The following ARID2 variants were observed in gnomAD, a reference collection of about 807,000 sequenced individuals.
ARID2 encodes the protein AT-rich interactive domain-containing protein 2.
Under a neutral mutation model 184.6 loss-of-function variants are expected in ARID2, and 32 were observed. That is an observed-to-expected ratio of 0.17 (90% CI 0.13 to 0.23). The LOEUF is 0.23. Among genes scored for constraint, ARID2 ranks in the 10% least tolerant of loss-of-function variants. The probability of loss-of-function intolerance (pLI) is 1.00; values close to 1 mark genes in which losing one functional copy is unlikely to be tolerated. For missense variants in ARID2, 1,696 were observed against 2,197.6 expected (o/e 0.77, Z 4.56); for synonymous variants, 836 against 772.6 (o/e 1.08, Z -1.36).
chr12:45,823,810 A>G (rs1313103626), intron 6 of ARID2, among the ~76,000 whole-genome samples: 1 of 152,162 alleles, frequency 6.6e-6, no homozygotes, highest in Non-Finnish European at 1.5e-5. Context: ...CTCAATGAAG[A>G]AAAGCCCAGG....
intron 16 of ARID2, among the ~76,000 whole-genome samples, chr12:45,879,468 C>T (rs1328985824): frequency 1.3e-5 from 2 of 152,168 alleles, no homozygotes; most frequent in Non-Finnish European, 2.9e-5. Flanking sequence ...AGAAACTGAC[C>T]TCCCGCCCCA....
intron 6 of ARID2, among the ~76,000 whole-genome samples, chr12:45,834,218 T>C (rs1010827951): frequency 6.6e-5 from 10 of 152,160 alleles, no homozygotes; most frequent in African/African-American, 2.4e-4. Flanking sequence ...ATGGCCTAAA[T>C]AAATAGTCAC....
chr12:45,743,896 A>G (rs923486670), intron 3 of ARID2, among the ~76,000 whole-genome samples: 2 of 151,976 alleles, frequency 1.3e-5, no homozygotes, highest in African/African-American at 4.8e-5. Flanking sequence ...TTTCTGTTTC[A>G]TGTTTTCTTG....
intron 14 of ARID2, 30 bp from the exon 15 acceptor site, chr12:45,850,006 G>C (rs2138158398): frequency 6.4e-7 from 1 of 1,553,418 alleles, no homozygotes; most frequent in Non-Finnish European, 8.7e-7. Context: ...CATTTCATTT[G>C]GAATTTTGAC....
chr12:45,810,604 G>T (rs1300864459), intron 3 of ARID2, among the ~76,000 whole-genome samples: 1 of 152,086 alleles, frequency 6.6e-6, no homozygotes, highest in Non-Finnish European at 1.5e-5. Flanking sequence ...TGTTACAAAA[G>T]AATGAGGTAG....
At chr12:45,900,083 C>CA (rs770848971) in intron 20 of ARID2, among the ~76,000 whole-genome samples, 34 of 151,910 alleles carry the variant, frequency 2.2e-4, no homozygotes, top group Non-Finnish European at 3.8e-4. Context: ...TTTTTTGAGA[C>CA]AGAGTCTCGC....
At position 45,852,274 on chromosome 12, in the gene ARID2, A is replaced by C; in HGVS notation, c.4151A>C (p.His1384Pro). The change falls in exon 15 of 21, where the codon CAT becomes CCT. Residue 1384 changes from histidine to proline, a missense_variant. By Grantham distance (77) the His-to-Pro change is moderately conservative. Around this residue, in one of 11 missense-constraint regions of ARID2, gnomAD observed 428 missense variants for 409.1 expected, o/e 1.05. Coordinates refer to ENST00000334344, the MANE Select transcript of ARID2 (RefSeq NM_152641.4). ...KNIPNHKTSN[H>P]VGNGEISPME... is the part of the protein sequence containing the mutation. The stretch of plus-strand genomic sequence containing the variant: ...ATTCCAAATCATAAAACTTCCAATC[A>C]TGTAGGAAATGGTGAGATATCTCCA... 1.2e-6 allele frequency: 2 copies of C among 1,614,142 alleles called. No homozygotes were observed. The highest frequency in any genetic ancestry group is 1.7e-6 in the Non-Finnish European group (2 of 1,180,004).
At chr12:45,898,461 GGA>G (rs1944399581) in intron 20 of ARID2, among the ~76,000 whole-genome samples, 1 of 152,124 alleles carries the variant, frequency 6.6e-6, no homozygotes, top group Non-Finnish European at 1.5e-5. Flanking sequence ...TTACCACAAT[GGA>G]AAAAAACTAA....
At chr12:45,806,224 C>A (rs1018520016) in intron 3 of ARID2, among the ~76,000 whole-genome samples, 3 of 150,894 alleles carry the variant, frequency 2.0e-5, no homozygotes, top group Non-Finnish European at 4.4e-5. Flanking sequence ...TTGGTGGGGG[C>A]GAGATGGTGG....
chr12:45,796,599 C>T (rs1355521189), intron 3 of ARID2, among the ~76,000 whole-genome samples: 6 of 152,014 alleles, frequency 3.9e-5, no homozygotes, highest in African/African-American at 1.2e-4. Context: ...CTGCAACCTC[C>T]GCCTCCTGGG....
In ARID2 at chr12:45,906,305, A is replaced by G. The variant is rs1263634752; in HGVS notation, c.*1227A>G. ...TTAATACTGTACCACATTCCTGCTC[A>G]GAAACTGCTCACTTCCTTAAATTGT... is the stretch of plus-strand genomic sequence containing the variant. On this transcript the variant is annotated 3_prime_UTR_variant, in exon 21 of 21. Coordinates refer to ENST00000334344, the MANE Select transcript of ARID2 (RefSeq NM_152641.4). The G allele has an allele frequency of 4.3e-6, 1 of 233,150 alleles. No individual in the cohort carries two copies. Among genetic ancestry groups the G allele is most frequent in the African/African-American group, 2.2e-5 (1 of 45,328 alleles). The allele number at this position is 233,150 out of a possible 1,614,324, so 14.4% of individuals were successfully genotyped here.
At chr12:45,894,711 A>G (rs192800107) in intron 20 of ARID2, among the ~76,000 whole-genome samples, 6 of 152,354 alleles carry the variant, frequency 3.9e-5, no homozygotes, top group Admixed American at 3.3e-4. Context: ...AAAATTTTTA[A>G]CACTTGAGCC....
intron 3 of ARID2, among the ~76,000 whole-genome samples, chr12:45,810,308 C>T (rs1367111520): frequency 2.0e-5 from 3 of 152,002 alleles, no homozygotes; most frequent in South Asian, 2.1e-4. Flanking sequence ...AAATTCAATC[C>T]TAGTTAATAT....
chr12:45,808,851 G>C (rs1289538262), intron 3 of ARID2, among the ~76,000 whole-genome samples: 1 of 152,038 alleles, frequency 6.6e-6, no homozygotes, highest in Non-Finnish European at 1.5e-5. Flanking sequence ...TGTAACCTCG[G>C]CCTCCCAGAT....
At chr12:45,820,035 TGCCCG>T (rs1942871226) in intron 5 of ARID2, among the ~76,000 whole-genome samples, 1 of 152,082 alleles carries the variant, frequency 6.6e-6, no homozygotes, top group Admixed American at 6.6e-5. Flanking sequence ...TGAGCCACCA[TGCCCG>T]GCCCCTAGGG....
intron 3 of ARID2, among the ~76,000 whole-genome samples, chr12:45,745,787 G>A (rs996236881): frequency 3.3e-5 from 5 of 152,110 alleles, no homozygotes; most frequent in African/African-American, 1.2e-4. Flanking sequence ...GGCCTCAAGT[G>A]ATCTGCCCGC....
intron 20 of ARID2, among the ~76,000 whole-genome samples, chr12:45,902,730 A>T (rs1037041094): frequency 1.3e-5 from 2 of 151,864 alleles, no homozygotes; most frequent in Non-Finnish European, 2.9e-5. Context: ...TTTTTAGTAG[A>T]GATGGGGTTT....
intron 20 of ARID2, among the ~76,000 whole-genome samples, chr12:45,898,291 A>C (rs1944397111): frequency 6.6e-6 from 1 of 152,166 alleles, no homozygotes; most frequent in Admixed American, 6.5e-5. Context: ...TCAGGAATGG[A>C]GAGTTACTGT....
chr12:45,867,783 G>T (rs958738800), intron 16 of ARID2, among the ~76,000 whole-genome samples: 1 of 151,486 alleles, frequency 6.6e-6, no homozygotes, highest in Non-Finnish European at 1.5e-5. Context: ...TACAGATGGG[G>T]TCTTACTATG....
Sources: gnomAD v4.1 joint callset for allele counts (sites outside exome capture counted in the v4.1 genomes callset) on GRCh38, gnomAD v4.1.1 for gene constraint, gnomAD v4.1.1 regional missense constraint, MANE v1.5 for transcripts, NCBI Gene and HGNC (gene_info 2026-07-23, HGNC 2026-07-21) for gene names.